The following TXNL4A variants were observed in gnomAD, a reference collection of about 807,000 sequenced individuals.
TXNL4A encodes thioredoxin like 4A.
Under a neutral mutation model 14.6 loss-of-function variants are expected in TXNL4A, and 17 were observed. The ratio of observed to expected loss-of-function variants is 1.16; its 90% CI spans 0.80 to 1.74. TXNL4A has a LOEUF of 1.74. Among genes scored for constraint, TXNL4A ranks in the 40% most tolerant of loss-of-function variants. TXNL4A has a pLI of 0.00. For synonymous variants in TXNL4A, 83 were observed against 70.6 expected, an observed-to-expected ratio of 1.18 and a Z score of -0.88; for missense variants, 74 against 195.2, an observed-to-expected ratio of 0.38 and a Z score of 3.70.
At chr18:79,990,908 T>C (rs375549376), upstream of TXNL4A, among the ~76,000 whole-genome samples, 35 of 150,800 alleles carry the variant, frequency 2.3e-4, no homozygotes, top group African/African-American at 6.3e-4. Context: ...ATCGAGACCA[T>C]CCTGGCTAAC....
At chr18:79,976,102 G>A (rs1226016470) in intron 2 of TXNL4A, among the ~76,000 whole-genome samples, 4 of 152,180 alleles carry the variant, frequency 2.6e-5, no homozygotes, top group Non-Finnish European at 4.4e-5. Flanking sequence ...CCAGGGGAGC[G>A]TATCCCGACG....
intron 1 of TXNL4A, among the ~76,000 whole-genome samples, chr18:80,022,858 G>C (rs2051858810): frequency 1.3e-5 from 2 of 152,174 alleles, no homozygotes; most frequent in African/African-American, 2.4e-5. Flanking sequence ...CATGGATCCA[G>C]AGGAGGTAGT....
intron 1 of TXNL4A, among the ~76,000 whole-genome samples, chr18:80,015,847 C>T (rs1466994758): frequency 1.4e-5 from 2 of 145,100 alleles, no homozygotes; most frequent in Admixed American, 1.4e-4. Context: ...TTTATAGCAG[C>T]ATGATTTATA....
chr18:79,998,154 C>T (rs577114337), intron 1 of TXNL4A, among the ~76,000 whole-genome samples: 4 of 152,102 alleles, frequency 2.6e-5, no homozygotes, highest in Admixed American at 6.5e-5. Flanking sequence ...ATTAGCTGGG[C>T]GTGGTGGCAG....
chr18:80,017,190 T>C (rs1474544061), intron 1 of TXNL4A, among the ~76,000 whole-genome samples: 1 of 151,956 alleles, frequency 6.6e-6, no homozygotes. Flanking sequence ...TAAGAATGCT[T>C]GTGATTTTTG....
chr18:79,985,163 A>G (rs1241716555), intron 1 of TXNL4A, among the ~76,000 whole-genome samples: 1 of 152,142 alleles, frequency 6.6e-6, no homozygotes, highest in Non-Finnish European at 1.5e-5. Flanking sequence ...GGTCCATGAA[A>G]TTGTCTCCTG....
chr18:80,033,510 G>A (rs1915881420), intron 1 of TXNL4A, among the ~76,000 whole-genome samples: 1 of 152,254 alleles, frequency 6.6e-6, no homozygotes, highest in Admixed American at 6.5e-5. Flanking sequence ...CTAGGTGCCC[G>A]GGGAGAAGGC....
At chr18:79,989,977 CAG>C (rs556998057), upstream of TXNL4A, among the ~76,000 whole-genome samples, 275 of 152,290 alleles carry the variant, frequency 1.8e-3, 1 homozygote, top group African/African-American at 6.1e-3. Context: ...GCCTGGGTGA[CAG>C]AGTGAGACTC....
intron 1 of TXNL4A, among the ~76,000 whole-genome samples, chr18:79,994,397 A>G (rs537547428): frequency 2.0e-5 from 3 of 152,278 alleles, no homozygotes; most frequent in South Asian, 2.1e-4. Flanking sequence ...AGAACTGCCA[A>G]TCGAGAACTC....
At chr18:79,994,400 G>A (rs985609544) in intron 1 of TXNL4A, among the ~76,000 whole-genome samples, 5 of 152,132 alleles carry the variant, frequency 3.3e-5, no homozygotes, top group Admixed American at 6.6e-5. Flanking sequence ...ACTGCCAATC[G>A]AGAACTCTCT....
intron 1 of TXNL4A, among the ~76,000 whole-genome samples, chr18:79,997,900 G>A (rs1049038713): frequency 2.2e-4 from 34 of 152,314 alleles, no homozygotes; most frequent in African/African-American, 7.9e-4. Flanking sequence ...AAAGGACTGA[G>A]TATTAACCCT....
At chr18:79,988,970 A>C (rs918371295), upstream of TXNL4A, among the ~76,000 whole-genome samples, 4 of 152,152 alleles carry the variant, frequency 2.6e-5, no homozygotes, top group Non-Finnish European at 5.9e-5. Context: ...TCATTTGTGA[A>C]ACTTGATCAT....
At chr18:80,014,657 G>A (rs1408797628) in intron 1 of TXNL4A, among the ~76,000 whole-genome samples, 2 of 152,138 alleles carry the variant, frequency 1.3e-5, no homozygotes, top group African/African-American at 4.8e-5. Flanking sequence ...AGTTTTCCAG[G>A]TAGACGGTGC....
At chr18:79,976,897 G>A (rs948353782) in intron 2 of TXNL4A, 3 of 402,814 alleles carry the variant, frequency 7.4e-6, no homozygotes, top group African/African-American at 6.3e-5. Flanking sequence ...AAGTAGTTCA[G>A]GTGTTCCTCT....
In TXNL4A at chr18:79,972,319, G is replaced by A. The variant is rs1383638518; in HGVS notation, c.*1366C>T. On this transcript the variant is annotated 3_prime_UTR_variant, in exon 3 of 3. Transcript: ENST00000269601. ...CTGGGTCTGAGGTCAGAGGGCCCACGGTGTGCTCAAGTGCCCCCATCCCTG... is the reference window on the plus strand; with the variant it reads ...CTGGGTCTGAGGTCAGAGGGCCCACAGTGTGCTCAAGTGCCCCCATCCCTG... 1 of 152,280 alleles carries A rather than the reference G, an allele frequency of 6.6e-6. No individual in the cohort carries two copies. Among genetic ancestry groups the A allele is most frequent in the Non-Finnish European group, 1.5e-5 (1 of 68,104 alleles). The allele number at this position is 152,280 out of a possible 1,614,324, so 9.4% of individuals were successfully genotyped here.
intron 1 of TXNL4A, among the ~76,000 whole-genome samples, chr18:80,019,532 T>C (rs11661339): frequency 0.24 from 36,898 of 152,000 alleles, 5,811 homozygotes; most frequent in Non-Finnish European, 0.35. Flanking sequence ...TCAAGGACCA[T>C]GTGTTATTTA....
chr18:80,009,044 T>TG (rs1486303814), intron 1 of TXNL4A, among the ~76,000 whole-genome samples: 1 of 152,244 alleles, frequency 6.6e-6, no homozygotes, highest in East Asian at 1.9e-4. Flanking sequence ...CCCAAAGTGC[T>TG]GGGATTACAG....
At chr18:79,981,512 AAACACAAAAATT>A (rs768002044) in intron 1 of TXNL4A, among the ~76,000 whole-genome samples, 73 of 152,294 alleles carry the variant, frequency 4.8e-4, no homozygotes, top group Middle Eastern at 6.8e-3. Flanking sequence ...TCTCTACTAA[AAACACAAAAATT>A]AGCTGGGTGT....
intron 1 of TXNL4A, among the ~76,000 whole-genome samples, chr18:80,033,253 G>A (rs996228682): frequency 6.6e-6 from 1 of 151,500 alleles, no homozygotes; most frequent in Admixed American, 6.6e-5. Context: ...GCACACACAC[G>A]TACATATGCA....
Sources: gnomAD v4.1 joint callset for allele counts (sites outside exome capture counted in the v4.1 genomes callset) on GRCh38, gnomAD v4.1.1 for gene constraint, MANE v1.5 for transcripts, NCBI Gene and HGNC (gene_info 2026-07-23, HGNC 2026-07-21) for gene names.